Variants in DOCK4 observed in about 807,000 individuals in gnomAD.
DOCK4 encodes dedicator of cytokinesis 4.
In DOCK4, 97 loss-of-function variants were observed where a neutral mutation model predicts 268.1. That is an observed-to-expected ratio of 0.36 (90% CI 0.31 to 0.43). The LOEUF is 0.43. Ranked by LOEUF, DOCK4 falls within the 20% of genes least tolerant of loss-of-function variation. DOCK4 has a pLI of 1.00. For missense variants in DOCK4, 2,145 were observed against 2,455.7 expected (o/e 0.87, Z 2.67); for synonymous variants, 954 against 887.2 (o/e 1.08, Z -1.34).
Position 111,774,415 on chromosome 7 carries a change from C to T in DOCK4, c.3679+3861G>A, listed in dbSNP as rs552106017. ...CCTGGGAGGTGAAGTTGCAGTGGGC[C>T]GAGATTGCACCACTGCACTCCAGCC... On this transcript the variant is annotated intron_variant, in intron 36 of 52. Transcript: ENST00000428084. Among the ~76,000 whole-genome samples, 7 of 151,938 alleles carry T rather than the reference C, an allele frequency of 4.6e-5. No homozygotes were observed. In the South Asian group the frequency reaches 8.3e-4, roughly 18 times the overall value.
At chr7:112,156,266 C>T (rs1415098224) in intron 1 of DOCK4, among the ~76,000 whole-genome samples, 2 of 152,200 alleles carry the variant, frequency 1.3e-5, no homozygotes, top group South Asian at 2.1e-4. Flanking sequence ...TTCAGTCCTC[C>T]TTCATCCTTC....
chr7:111,849,067 C>T (rs920449364), intron 23 of DOCK4, among the ~76,000 whole-genome samples: 1 of 152,168 alleles, frequency 6.6e-6, no homozygotes, highest in African/African-American at 2.4e-5. Context: ...TGGGCTGACT[C>T]CCATCCTGTG....
rs55807955 is a variant in DOCK4, at chr7:112,181,639, C to CAAAAAAAAAAAAA, written c.37+24450_37+24462dup. Among the ~76,000 whole-genome samples, 176 of 65,364 alleles carry CAAAAAAAAAAAAA rather than the reference C, an allele frequency of 2.7e-3. 11 individuals carry two copies. The highest frequency in any genetic ancestry group is 6.9e-3 in the African/African-American group (102 of 14,712). The allele number at this position is 65,364 out of a possible 152,430, so 42.9% of individuals were successfully genotyped here. ...TGAGCAACAGAGTAAGACACTGTCT[C>CAAAAAAAAAAAAA]AAAAAAAAAAAAAAAAAAAAGCTTG... On this transcript the variant is annotated intron_variant, in intron 1 of 52. Transcript: ENST00000428084.
At chr7:111,745,710 A>AAAAG (rs60677191) in intron 44 of DOCK4, among the ~76,000 whole-genome samples, 2 of 149,728 alleles carry the variant, frequency 1.3e-5, no homozygotes, top group Admixed American at 6.7e-5. Flanking sequence ...AAAAAAAAAA[A>AAAAG]GTTGGCATCA....
chr7:111,788,790 A>G, intron 31 of DOCK4, 43 bp from the exon 32 acceptor site: 1 of 1,491,170 alleles, frequency 6.7e-7, no homozygotes, highest in Non-Finnish European at 9.2e-7. Context: ...CCCCTTCACA[A>G]GTAGGATTTC....
chr7:111,982,089 A>T (rs1798654699), intron 7 of DOCK4, among the ~76,000 whole-genome samples: 1 of 152,214 alleles, frequency 6.6e-6, no homozygotes, highest in Non-Finnish European at 1.5e-5. Flanking sequence ...GTTGTGCGGA[A>T]CTTCCAGGAA....
intron 37 of DOCK4, 55 bp downstream of exon 37, chr7:111,769,474 G>T: frequency 1.3e-6 from 2 of 1,598,758 alleles, no homozygotes. Flanking sequence ...GAAAGGGAAA[G>T]GGACATCAAC....
At chr7:112,175,003 C>T (rs544470553) in intron 1 of DOCK4, among the ~76,000 whole-genome samples, 1 of 146,204 alleles carries the variant, frequency 6.8e-6, no homozygotes, top group Admixed American at 6.9e-5. Flanking sequence ...TGCAGTGGCG[C>T]GATCTTGGCT....
At chr7:111,737,109 T>C (rs1795553778) in intron 49 of DOCK4, 120 bp from the exon 50 acceptor site, 4 of 789,560 alleles carry the variant, frequency 5.1e-6, no homozygotes, top group East Asian at 2.7e-5. Flanking sequence ...TTGTGTGATA[T>C]GATGAGCCTA....
chr7:111,950,233 A>G (rs995553593), intron 8 of DOCK4, among the ~76,000 whole-genome samples: 2 of 152,176 alleles, frequency 1.3e-5, no homozygotes, highest in Admixed American at 1.3e-4. Flanking sequence ...GGCCAATAAT[A>G]TTGCATTCTG....
intron 1 of DOCK4, among the ~76,000 whole-genome samples, chr7:112,137,907 A>C (rs1814513020): frequency 3.3e-5 from 5 of 152,240 alleles, no homozygotes; most frequent in Admixed American, 3.3e-4. Flanking sequence ...TGTGCATTAC[A>C]CTGGATAATA....
At chr7:111,980,975 C>T (rs1798566230) in intron 7 of DOCK4, among the ~76,000 whole-genome samples, 1 of 152,218 alleles carries the variant, frequency 6.6e-6, no homozygotes, top group African/African-American at 2.4e-5. Flanking sequence ...TGGACATATG[C>T]TAACACTGTG....
chr7:112,163,936 T>C (rs1817364524), intron 1 of DOCK4, among the ~76,000 whole-genome samples: 1 of 152,222 alleles, frequency 6.6e-6, no homozygotes, highest in African/African-American at 2.4e-5. Context: ...GCATTTATTA[T>C]GTACCAAACA....
intron 1 of DOCK4, among the ~76,000 whole-genome samples, chr7:112,183,641 C>T (rs532561656): frequency 3.4e-4 from 52 of 152,304 alleles, no homozygotes; most frequent in Admixed American, 9.8e-4. Flanking sequence ...GCCAGGAGGG[C>T]TGTCCAATCA....
At chr7:111,935,734 C>T in intron 11 of DOCK4, 106 bp from the exon 12 acceptor site, 1 of 919,172 alleles carries the variant, frequency 1.1e-6, no homozygotes, top group South Asian at 1.6e-5. Context: ...AATGTACCTC[C>T]TTGAGGTCCC....
At chr7:112,079,368 A>G (rs1808377493) in intron 1 of DOCK4, among the ~76,000 whole-genome samples, 2 of 152,212 alleles carry the variant, frequency 1.3e-5, no homozygotes, top group Non-Finnish European at 2.9e-5. Context: ...GTAAAAGTAC[A>G]TTCCCCATTC....
chr7:112,051,697 G>A (rs1805370891), intron 1 of DOCK4, among the ~76,000 whole-genome samples: 1 of 151,804 alleles, frequency 6.6e-6, no homozygotes, highest in Non-Finnish European at 1.5e-5. Context: ...GAAGCATGAA[G>A]GGAAGAACCT....
At chr7:111,874,286 C>T (rs1242621533) in intron 17 of DOCK4, among the ~76,000 whole-genome samples, 1 of 152,134 alleles carries the variant, frequency 6.6e-6, no homozygotes, top group African/African-American at 2.4e-5. Context: ...CAGGGGCCAT[C>T]AGGACCCTGC....
intron 1 of DOCK4, among the ~76,000 whole-genome samples, chr7:112,024,996 C>T (rs746072803): frequency 6.6e-6 from 1 of 152,088 alleles, no homozygotes; most frequent in Non-Finnish European, 1.5e-5. Context: ...CACAAAATAA[C>T]CAAATTCCCA....
Sources: gnomAD v4.1 joint callset for allele counts (sites outside exome capture counted in the v4.1 genomes callset) on GRCh38, gnomAD v4.1.1 for gene constraint, MANE v1.5 for transcripts, NCBI Gene and HGNC (gene_info 2026-07-23, HGNC 2026-07-21) for gene names.